The following TMOD1 variants were observed in gnomAD, a reference collection of about 807,000 sequenced individuals.
TMOD1 encodes tropomodulin-1.
In TMOD1, 17 loss-of-function variants were observed where a neutral mutation model predicts 40.6. The ratio of observed to expected loss-of-function variants is 0.42; its 90% CI spans 0.29 to 0.63. The LOEUF is 0.63. Ranked by LOEUF, TMOD1 falls within the 20% of genes least tolerant of loss-of-function variation. TMOD1 has a pLI of 0.22. For missense variants in TMOD1, 391 were observed against 447.6 expected (o/e 0.87, Z 1.14); for synonymous variants, 181 against 175.0 (o/e 1.03, Z -0.27).
chr9:97,562,769 G>A lies in TMOD1; in HGVS notation c.435G>A (p.Gln145=), dbSNP rs1830660762. ...TGCACACGCTCATGAGTAACCAGCAGTACTACCAGGCCCTGAGCAGCAGCT... is the reference window on the plus strand; with the variant it reads ...TGCACACGCTCATGAGTAACCAGCAATACTACCAGGCCCTGAGCAGCAGCT... ...LGMHTLMSNQ[Q]YYQALSSSSI... Residue 145 remains glutamine, a synonymous_variant, in exon 5 of 10, where the codon CAG becomes CAA. Transcript: ENST00000259365. 2 of 1,580,238 alleles carry A rather than the reference G, an allele frequency of 1.3e-6. No individual in the cohort carries two copies. Among genetic ancestry groups the A allele is most frequent in the Non-Finnish European group, 1.7e-6 (2 of 1,166,980 alleles).
intron 1 of TMOD1, among the ~76,000 whole-genome samples, chr9:97,515,293 G>A (rs1477732345): frequency 6.7e-6 from 1 of 150,152 alleles, no homozygotes; most frequent in Non-Finnish European, 1.5e-5. Context: ...TTTTGTTTTT[G>A]TTTTGAGACA....
chr9:97,552,248 C>T (rs954518787), intron 3 of TMOD1, among the ~76,000 whole-genome samples: 49 of 152,180 alleles, frequency 3.2e-4, no homozygotes, highest in Non-Finnish European at 5.0e-4. Flanking sequence ...GCACCCTTGT[C>T]TTGTTCCTGA....
intron 2 of TMOD1, among the ~76,000 whole-genome samples, chr9:97,542,251 G>A (rs543543208): frequency 5.3e-5 from 8 of 152,126 alleles, no homozygotes; most frequent in Non-Finnish European, 8.8e-5. Flanking sequence ...TGACAATCAT[G>A]TGATATTTTG....
intron 2 of TMOD1, among the ~76,000 whole-genome samples, chr9:97,533,663 C>A (rs1206244921): frequency 2.0e-5 from 3 of 152,158 alleles, no homozygotes. Context: ...GAGTTTAAAC[C>A]TTTATTCTGA....
At chr9:97,563,273 G>C (rs935440173) in intron 5 of TMOD1, among the ~76,000 whole-genome samples, 1 of 152,108 alleles carries the variant, frequency 6.6e-6, no homozygotes, top group African/African-American at 2.4e-5. Context: ...GACTGGTCTC[G>C]AACTCCTGGA....
chr9:97,562,704 A>G, intron 4 of TMOD1, 28 bp from the exon 5 acceptor site: 3 of 1,499,700 alleles, frequency 2.0e-6, no homozygotes, highest in South Asian at 1.3e-5. Context: ...GCAGAGGCAC[A>G]TCATGAGCCC....
chr9:97,592,279 G>A (rs1262543014), intron 9 of TMOD1, among the ~76,000 whole-genome samples: 1 of 151,726 alleles, frequency 6.6e-6, no homozygotes, highest in Non-Finnish European at 1.5e-5. Flanking sequence ...AAAACAAGAG[G>A]GGGAAAAAAA....
intron 1 of TMOD1, among the ~76,000 whole-genome samples, chr9:97,520,781 CAG>C (rs2131218777): frequency 6.6e-6 from 1 of 152,292 alleles, no homozygotes; most frequent in Admixed American, 6.5e-5. Context: ...TTGCCCCCCT[CAG>C]GGTGGCATCT....
At chr9:97,581,772 T>C (rs10982849) in intron 8 of TMOD1, among the ~76,000 whole-genome samples, 1 of 152,154 alleles carries the variant, frequency 6.6e-6, no homozygotes, top group East Asian at 1.9e-4. Context: ...TTCATGTGTT[T>C]TTTGGCTACA....
chr9:97,563,321 G>A (rs1830669596), intron 5 of TMOD1, among the ~76,000 whole-genome samples: 1 of 152,174 alleles, frequency 6.6e-6, no homozygotes, highest in Admixed American at 6.5e-5. Flanking sequence ...CCAAAGTGCT[G>A]GGATTACAGG....
intron 4 of TMOD1, among the ~76,000 whole-genome samples, chr9:97,556,855 G>A (rs1310009840): frequency 2.6e-5 from 4 of 152,210 alleles, no homozygotes; most frequent in Non-Finnish European, 5.9e-5. Context: ...AGAAGGTCCA[G>A]GGCTTGGGAG....
At chr9:97,587,736 T>C (rs1001705756) in intron 8 of TMOD1, among the ~76,000 whole-genome samples, 1 of 152,188 alleles carries the variant, frequency 6.6e-6, no homozygotes, top group Non-Finnish European at 1.5e-5. Context: ...TCTGTACCCA[T>C]TAGCTCTCAT....
chr9:97,550,992 T>TA (rs1830441669), intron 3 of TMOD1, among the ~76,000 whole-genome samples: 1 of 96,374 alleles, frequency 1.0e-5, no homozygotes, highest in African/African-American at 4.8e-5. Flanking sequence ...TCTAAGAATT[T>TA]TATATATATA....
chr9:97,519,866 T>C (rs963113875), intron 1 of TMOD1, among the ~76,000 whole-genome samples: 1 of 152,010 alleles, frequency 6.6e-6, no homozygotes, highest in Admixed American at 6.5e-5. Flanking sequence ...TAATGGCTAA[T>C]ATCTGTGAAG....
At chr9:97,546,448 C>T in intron 3 of TMOD1, 107 bp downstream of exon 3, 1 of 1,175,562 alleles carries the variant, frequency 8.5e-7, no homozygotes, top group Non-Finnish European at 1.2e-6. Flanking sequence ...TGTGACTGGG[C>T]CTCCTTGTCC....
rs147313786 is a variant in TMOD1 at position 97,568,962 on chromosome 9, T to C, written c.795T>C (p.Ser265=). The C allele has an allele frequency of 6.2e-7, 1 of 1,614,210 alleles. No individual in the cohort carries two copies. Among genetic ancestry groups the C allele is most frequent in the Non-Finnish European group, 8.5e-7 (1 of 1,180,038 alleles). ...TGAATGTGGAATCCAACTTCATTTC[T>C]GGAGCTGGGATTCTGCGCCTGGTAG... ...KTLNVESNFI[S]GAGILRLVEA... is the part of the protein sequence containing the mutation. Residue 265 remains serine, a synonymous_variant, in exon 8 of 10, where the codon TCT becomes TCC. Transcript: ENST00000259365.
chr9:97,599,397 C>G (rs915134760), intron 9 of TMOD1, among the ~76,000 whole-genome samples: 3 of 152,180 alleles, frequency 2.0e-5, no homozygotes, highest in Admixed American at 6.5e-5. Context: ...ACTGTGTGGT[C>G]AGCCACTTAG....
At chr9:97,567,818 G>A (rs10817779) in intron 7 of TMOD1, among the ~76,000 whole-genome samples, 55,517 of 151,926 alleles carry the variant, frequency 0.37, 10,690 homozygotes, top group African/African-American at 0.48. Context: ...GGCTTCCTGG[G>A]AGCTAGCCTC....
chr9:97,556,823 G>A (rs1830543848), intron 4 of TMOD1, among the ~76,000 whole-genome samples: 1 of 152,224 alleles, frequency 6.6e-6, no homozygotes, highest in Non-Finnish European at 1.5e-5. Flanking sequence ...AGGAGCAGAA[G>A]AGTAGCAGTG....
Sources: allele counts gnomAD v4.1 joint callset (sites outside exome capture counted in the v4.1 genomes callset), GRCh38; gene constraint gnomAD v4.1.1; transcripts MANE v1.5; gene names NCBI Gene and HGNC (gene_info 2026-07-23, HGNC 2026-07-21).